ASPRV1: variants seen among roughly 807,000 people sequenced by gnomAD.
ASPRV1 encodes aspartic peptidase retroviral like 1, also known as retroviral-like aspartic protease 1.
A neutral mutation model predicts 11.0 loss-of-function variants in ASPRV1; 7 were observed. That is an observed-to-expected ratio of 0.64 (90% CI 0.36 to 1.20). The LOEUF is 1.20. Among genes scored for constraint, ASPRV1 ranks in the 50% most tolerant of loss-of-function variants. The pLI, the probability that ASPRV1 is intolerant of heterozygous loss-of-function variation, is 0.02. For synonymous variants in ASPRV1, 136 were observed against 138.4 expected (o/e 0.98, Z 0.12); for missense variants, 299 against 320.0 (o/e 0.93, Z 0.50).
chr2:70,034,570 CAAAAAAA>C, the ASPRV1 span, among the ~76,000 whole-genome samples: 1 of 85,092 alleles, frequency 1.2e-5, no homozygotes, highest in African/African-American at 4.0e-5. Context: ...GACTTTGTCT[CAAAAAAA>C]AAAAAAAAGA....
chr2:70,057,063 T>C, the ASPRV1 span, among the ~76,000 whole-genome samples: 1 of 151,128 alleles, frequency 6.6e-6, no homozygotes, highest in Non-Finnish European at 1.5e-5. Flanking sequence ...AAAAAGGTAA[T>C]GTTCATATGT....
chr2:69,996,931 G>C, the ASPRV1 span: 1 of 312,162 alleles, frequency 3.2e-6, no homozygotes, highest in South Asian at 2.6e-5. Flanking sequence ...TTCATCTTCA[G>C]ATGAGGGGAC....
chr2:70,024,203 CTTTT>C, the ASPRV1 span, among the ~76,000 whole-genome samples: 1 of 151,212 alleles, frequency 6.6e-6, no homozygotes, highest in Non-Finnish European at 1.5e-5. Flanking sequence ...AATTTAAAAA[CTTTT>C]TTTGAGAAAA....
the ASPRV1 span, among the ~76,000 whole-genome samples, chr2:69,985,405 C>T: frequency 6.6e-6 from 1 of 152,232 alleles, no homozygotes. Context: ...AAATCCCCTT[C>T]CCATGGCCCC....
the ASPRV1 span, chr2:69,941,328 G>A: frequency 1.3e-5 from 2 of 152,202 alleles, no homozygotes; most frequent in Non-Finnish European, 2.9e-5. Flanking sequence ...CGAGCACCCA[G>A]GTCGTCTGTA....
At chr2:70,055,234 G>A in the ASPRV1 span, among the ~76,000 whole-genome samples, 3 of 152,166 alleles carry the variant, frequency 2.0e-5, no homozygotes, top group African/African-American at 7.2e-5. Context: ...AACCTGGGAG[G>A]TGGAGGTTGC....
chr2:69,988,650 G>A, the ASPRV1 span: 1 of 402,900 alleles, frequency 2.5e-6, no homozygotes, highest in Non-Finnish European at 5.0e-6. Context: ...TCACTGAATT[G>A]TACACTCAAA....
At chr2:70,043,742 G>A in the ASPRV1 span, among the ~76,000 whole-genome samples, 2 of 152,186 alleles carry the variant, frequency 1.3e-5, no homozygotes, top group Non-Finnish European at 2.9e-5. Flanking sequence ...CCCCTTCTAA[G>A]ATCTGTGACA....
At chr2:69,987,013 T>C in the ASPRV1 span, among the ~76,000 whole-genome samples, 4 of 152,118 alleles carry the variant, frequency 2.6e-5, no homozygotes, top group Admixed American at 1.3e-4. Flanking sequence ...GCAGAGGATG[T>C]GCACCTTCCT....
At chr2:69,939,080 T>G in the ASPRV1 span, 1 of 152,636 alleles carries the variant, frequency 6.6e-6, no homozygotes, top group Non-Finnish European at 1.5e-5. Context: ...GGAACATTTT[T>G]TTTTCCTACC....
At chr2:70,082,416 A>T in the ASPRV1 span, among the ~76,000 whole-genome samples, 6 of 152,008 alleles carry the variant, frequency 3.9e-5, no homozygotes, top group African/African-American at 1.2e-4. Flanking sequence ...TAAAAATAAA[A>T]ACAAAAAAAT....
At chr2:70,029,380 C>T in the ASPRV1 span, among the ~76,000 whole-genome samples, 7 of 152,150 alleles carry the variant, frequency 4.6e-5, no homozygotes, top group Non-Finnish European at 7.3e-5. Flanking sequence ...GTAGCTCACA[C>T]CTGTAATCCT....
the ASPRV1 span, among the ~76,000 whole-genome samples, chr2:70,023,765 T>C: frequency 2.0e-4 from 31 of 152,330 alleles, no homozygotes; most frequent in African/African-American, 7.5e-4. Context: ...AAAAGTCCTT[T>C]TTTCTATTAT....
the ASPRV1 span, among the ~76,000 whole-genome samples, chr2:69,932,734 A>T: frequency 6.6e-6 from 1 of 152,314 alleles, no homozygotes; most frequent in East Asian, 1.9e-4. Flanking sequence ...GCATCAAAAG[A>T]TGACTTTATT....
chr2:70,059,245 T>C, the ASPRV1 span, among the ~76,000 whole-genome samples: 1 of 150,410 alleles, frequency 6.6e-6, no homozygotes, highest in Non-Finnish European at 1.5e-5. Flanking sequence ...CTCAGTCTGC[T>C]GATTGGTTTT....
At chr2:70,076,544 T>C in the ASPRV1 span, among the ~76,000 whole-genome samples, 1 of 152,206 alleles carries the variant, frequency 6.6e-6, no homozygotes, top group African/African-American at 2.4e-5. Context: ...ATTATCCTCA[T>C]TGTACAAATA....
the ASPRV1 span, chr2:70,045,157 C>T: frequency 6.6e-6 from 1 of 152,310 alleles, no homozygotes; most frequent in South Asian, 2.1e-4. Flanking sequence ...TCTCATCACC[C>T]TTCTTTCTCC....
At chr2:70,056,633 A>C in the ASPRV1 span, 1 of 150,410 alleles carries the variant, frequency 6.6e-6, no homozygotes, top group African/African-American at 2.5e-5. Flanking sequence ...AAAGTGGTTA[A>C]AATGGCATAT....
chr2:70,022,633 T>G, the ASPRV1 span, among the ~76,000 whole-genome samples: 1 of 152,004 alleles, frequency 6.6e-6, no homozygotes, highest in African/African-American at 2.4e-5. Context: ...AAGGCTGCAG[T>G]GAGCTGAGAT....
Sources: allele counts gnomAD v4.1 joint callset (sites outside exome capture counted in the v4.1 genomes callset), GRCh38; gene constraint gnomAD v4.1.1; transcripts MANE v1.5; gene names NCBI Gene and HGNC (gene_info 2026-07-23, HGNC 2026-07-21).